Variants in EXOC4 observed in about 807,000 individuals in gnomAD.
The protein encoded by EXOC4 is exocyst complex component 4, also known as SEC8-like 1.
A neutral mutation model predicts 107.2 loss-of-function variants in EXOC4; 71 were observed. That is an observed-to-expected ratio of 0.66 (90% CI 0.55 to 0.81). The LOEUF is 0.81. Ranked by LOEUF, EXOC4 falls within the 30% of genes least tolerant of loss-of-function variation. The pLI is 0.00. For missense variants in EXOC4, 1,108 were observed against 1,189.6 expected (o/e 0.93, Z 1.01); for synonymous variants, 456 against 441.2 (o/e 1.03, Z -0.42).
chr7:134,097,216 G>A, the EXOC4 span, among the ~76,000 whole-genome samples: 1 of 152,024 alleles, frequency 6.6e-6, no homozygotes, highest in Non-Finnish European at 1.5e-5. Flanking sequence ...GTGGAACCGG[G>A]TAATATATTC....
chr7:133,695,425 G>A (rs1032809748), intron 10 of EXOC4, among the ~76,000 whole-genome samples: 4 of 151,926 alleles, frequency 2.6e-5, no homozygotes, highest in South Asian at 2.1e-4. Flanking sequence ...ATAGTGTTGC[G>A]ATAAATATGA....
chr7:133,670,826 A>T (rs181594714), intron 10 of EXOC4, among the ~76,000 whole-genome samples: 1 of 152,352 alleles, frequency 6.6e-6, no homozygotes, highest in Non-Finnish European at 1.5e-5. Context: ...TTATGTATCA[A>T]GTAATGAAAA....
At chr7:133,298,520 TA>T (rs1483479861) in intron 3 of EXOC4, among the ~76,000 whole-genome samples, 2 of 152,174 alleles carry the variant, frequency 1.3e-5, no homozygotes, top group African/African-American at 4.8e-5. Flanking sequence ...ACCTAGGTTT[TA>T]ATGCTCTCTT....
At chr7:134,024,771 G>A (rs1267631551) in intron 17 of EXOC4, among the ~76,000 whole-genome samples, 4 of 152,128 alleles carry the variant, frequency 2.6e-5, no homozygotes, top group African/African-American at 4.8e-5. Flanking sequence ...AACTCTGATC[G>A]GGGAGCTAAG....
chr7:133,846,552 C>T (rs1032385829), intron 11 of EXOC4, among the ~76,000 whole-genome samples: 13 of 152,320 alleles, frequency 8.5e-5, no homozygotes, highest in Admixed American at 5.9e-4. Flanking sequence ...ATATGCTGGG[C>T]TGAAAGATTC....
chr7:133,289,082 C>T lies in EXOC4; in HGVS notation c.437C>T (p.Ala146Val), dbSNP rs1266404187. Residue 146 changes from alanine (A) to valine (V), a missense_variant, in exon 3 of 18, where the codon GCC (alanine) becomes GTC (valine). Coordinates refer to ENST00000253861, the MANE Select transcript of EXOC4 (RefSeq NM_021807.4). Reference protein sequence around the residue: ...QVPQKLEQCMASKHYLSATDM... With the variant: ...QVPQKLEQCMVSKHYLSATDM... ...CCTCAAAAGCTGGAACAGTGCATGG[C>T]CAGCAAGCACTATCTCAGTGCCACT... 1.2e-6 allele frequency: 2 copies of T among 1,614,090 alleles called. No individual in the cohort carries two copies. The highest frequency in any genetic ancestry group is 3.3e-5 in the Admixed American group (2 of 60,010).
intron 10 of EXOC4, among the ~76,000 whole-genome samples, chr7:133,640,652 A>G (rs534757715): frequency 1.3e-5 from 2 of 152,330 alleles, no homozygotes; most frequent in East Asian, 3.9e-4. Context: ...TGATGAATGT[A>G]GACTGTTTCC....
At chr7:133,624,054 T>G (rs1802395010) in intron 9 of EXOC4, among the ~76,000 whole-genome samples, 1 of 152,210 alleles carries the variant, frequency 6.6e-6, no homozygotes. Context: ...TACTGTATAC[T>G]ATTTCATAAT....
chr7:133,623,305 A>C (rs946127650), intron 9 of EXOC4, among the ~76,000 whole-genome samples: 1 of 152,218 alleles, frequency 6.6e-6, no homozygotes, highest in Non-Finnish European at 1.5e-5. Flanking sequence ...ATTATCTTTT[A>C]TAAATAATAC....
At chr7:134,087,653 C>G in the EXOC4 span, among the ~76,000 whole-genome samples, 1 of 152,148 alleles carries the variant, frequency 6.6e-6, no homozygotes, top group Non-Finnish European at 1.5e-5. Flanking sequence ...TTACCCATGC[C>G]TCTTGTTTCT....
chr7:133,736,308 C>T (rs1355952346), intron 10 of EXOC4, among the ~76,000 whole-genome samples: 1 of 152,066 alleles, frequency 6.6e-6, no homozygotes, highest in African/African-American at 2.4e-5. Flanking sequence ...TATTTTTTGC[C>T]TCATCATTCT....
At chr7:133,975,991 TA>T (rs1793824162) in intron 14 of EXOC4, among the ~76,000 whole-genome samples, 1 of 152,126 alleles carries the variant, frequency 6.6e-6, no homozygotes, top group Non-Finnish European at 1.5e-5. Context: ...TGAGGTCACG[TA>T]GAAGAAGATG....
chr7:133,999,451 G>T (rs1196126985), intron 15 of EXOC4, among the ~76,000 whole-genome samples: 1 of 152,138 alleles, frequency 6.6e-6, no homozygotes, highest in Non-Finnish European at 1.5e-5. Flanking sequence ...TCTGTGTTAC[G>T]TGGCATTATT....
chr7:134,019,652 A>T (rs1209264775), intron 17 of EXOC4, among the ~76,000 whole-genome samples: 1 of 152,232 alleles, frequency 6.6e-6, no homozygotes, highest in Non-Finnish European at 1.5e-5. Flanking sequence ...AAGAGAGGCC[A>T]GATTCAAACT....
At chr7:133,380,434 A>G (rs1026669727) in intron 7 of EXOC4, among the ~76,000 whole-genome samples, 11 of 152,034 alleles carry the variant, frequency 7.2e-5, no homozygotes, top group African/African-American at 2.4e-4. Context: ...ATGGAGTTGT[A>G]CAACCATCAC....
chr7:133,812,287 C>G (rs1014818550), intron 10 of EXOC4, among the ~76,000 whole-genome samples: 4 of 152,182 alleles, frequency 2.6e-5, no homozygotes, highest in African/African-American at 9.7e-5. Context: ...GTTTTGAGTG[C>G]TTAATTTTCA....
chr7:133,559,320 G>A (rs1336052526), intron 9 of EXOC4, among the ~76,000 whole-genome samples: 6 of 151,704 alleles, frequency 4.0e-5, no homozygotes, highest in Non-Finnish European at 7.4e-5. Context: ...ATTTTCTTTG[G>A]TTAAGCTTTC....
At chr7:134,043,457 A>G (rs1201854879) in intron 17 of EXOC4, among the ~76,000 whole-genome samples, 1 of 152,232 alleles carries the variant, frequency 6.6e-6, no homozygotes, top group Non-Finnish European at 1.5e-5. Flanking sequence ...TTTGGGTCAC[A>G]AACCAATGTT....
At chr7:133,692,015 A>G (rs1333256232) in intron 10 of EXOC4, among the ~76,000 whole-genome samples, 3 of 152,160 alleles carry the variant, frequency 2.0e-5, no homozygotes. Context: ...AAAATAATAT[A>G]GAGGGAATAA....
Sources: allele counts gnomAD v4.1 joint callset (sites outside exome capture counted in the v4.1 genomes callset), GRCh38; gene constraint gnomAD v4.1.1; transcripts MANE v1.5; gene names NCBI Gene and HGNC (gene_info 2026-07-23, HGNC 2026-07-21).